Variants in EHBP1 observed in about 807,000 individuals in gnomAD.
The protein encoded by EHBP1 is EH domain-binding protein 1.
EHBP1 carries 55 observed loss-of-function variants against 144.0 expected under a neutral mutation model. The ratio of observed to expected loss-of-function variants is 0.38; its 90% CI spans 0.31 to 0.48. The LOEUF is 0.48. Among genes scored for constraint, EHBP1 ranks in the 20% least tolerant of loss-of-function variants. EHBP1 has a pLI of 0.98. For missense variants in EHBP1, 1,200 were observed against 1,364.2 expected (o/e 0.88, Z 1.90); for synonymous variants, 469 against 472.7 (o/e 0.99, Z 0.10).
At chr2:62,910,383 G>A (rs1033961169) in intron 10 of EHBP1, among the ~76,000 whole-genome samples, 1 of 152,066 alleles carries the variant, frequency 6.6e-6, no homozygotes, top group African/African-American at 2.4e-5. Context: ...AGCTTCTATG[G>A]AAATCTGGTT....
intron 1 of EHBP1, among the ~76,000 whole-genome samples, chr2:62,695,452 G>A (rs2034052938): frequency 6.6e-6 from 1 of 152,186 alleles, no homozygotes; most frequent in African/African-American, 2.4e-5. Flanking sequence ...GAAATAAAAC[G>A]TTTTGTGAAA....
chr2:63,039,465 T>G (rs2061574294), intron 21 of EHBP1, among the ~76,000 whole-genome samples: 1 of 152,186 alleles, frequency 6.6e-6, no homozygotes, highest in Admixed American at 6.5e-5. Context: ...GCTGTTCTCC[T>G]TATATCTCAG....
intron 10 of EHBP1, among the ~76,000 whole-genome samples, chr2:62,876,606 A>T (rs1256393038): frequency 6.6e-6 from 1 of 152,212 alleles, no homozygotes; most frequent in East Asian, 1.9e-4. Flanking sequence ...AATTTATTTT[A>T]AAAGGAGGTT....
At chr2:62,859,814 T>G (rs2049361559) in intron 8 of EHBP1, among the ~76,000 whole-genome samples, 1 of 152,128 alleles carries the variant, frequency 6.6e-6, no homozygotes, top group African/African-American at 2.4e-5. Context: ...TTTTCCTGAG[T>G]CACTTTTCTT....
At chr2:62,731,548 C>T (rs149736226) in intron 2 of EHBP1, among the ~76,000 whole-genome samples, 34 of 152,126 alleles carry the variant, frequency 2.2e-4, no homozygotes, top group African/African-American at 7.9e-4. Context: ...TTTTGGTAGA[C>T]GTTCTTTATC....
chr2:62,864,696 T>A, intron 8 of EHBP1, 35 bp from the exon 9 acceptor site: 3 of 1,568,156 alleles, frequency 1.9e-6, no homozygotes, highest in Non-Finnish European at 2.6e-6. Context: ...CATATGGTAT[T>A]CATGTGATTT....
chr2:62,839,605 C>G lies in EHBP1; in HGVS notation c.634+8447C>G, dbSNP rs528464588. On this transcript the variant is annotated intron_variant, in intron 7 of 22. Transcript: ENST00000431489. ...TATCTAGAAAACCCCATCGTCTCAG[C>G]CCAAAATCTCCTTAAGCTGATAAGC... Among the ~76,000 whole-genome samples the G allele has an allele frequency of 6.0e-5, 9 of 149,768 alleles. No individual in the cohort carries two copies. In the East Asian group the frequency reaches 1.8e-3, roughly 29 times the overall value.
At position 62,715,983 on chromosome 2, in the gene EHBP1, A is replaced by G. The variant is rs142306690; in HGVS notation, c.104+8688A>G. Reference sequence around the variant, plus strand: ...ACGTCAAAATTTCACATCTTGGAGTAAGAGAACATCTTGCTCTACACCCTA... The same window carrying G: ...ACGTCAAAATTTCACATCTTGGAGTGAGAGAACATCTTGCTCTACACCCTA... On this transcript the variant is annotated intron_variant, in intron 2 of 22. Coordinates refer to ENST00000431489, the MANE Select transcript of EHBP1 (RefSeq NM_001142616.3). Among the ~76,000 whole-genome samples the G allele has an allele frequency of 2.0e-3, 311 of 152,192 alleles. 2 individuals are homozygous for G. The highest frequency in any genetic ancestry group is 7.1e-3 in the African/African-American group (295 of 41,510).
At chr2:62,976,990 A>G (rs980240190) in intron 14 of EHBP1, among the ~76,000 whole-genome samples, 3 of 151,962 alleles carry the variant, frequency 2.0e-5, no homozygotes, top group African/African-American at 7.2e-5. Context: ...CTAATATATT[A>G]CAGTTTTCTC....
chr2:62,993,943 C>A lies in EHBP1; in HGVS notation c.2945C>A (p.Thr982Asn). ...GNEEKAAITETQRKPSEDEVL... is the reference protein window; with the variant it reads ...GNEEKAAITENQRKPSEDEVL... ...GAGGAGAAGGCAGCGATAACTGAAACTCAGAGGAAGCCATCAGAAGATGAA... is the reference window on the plus strand; with the variant it reads ...GAGGAGAAGGCAGCGATAACTGAAAATCAGAGGAAGCCATCAGAAGATGAA... Residue 982 changes from threonine (T) to asparagine (N), a missense_variant, in exon 18 of 23, where the codon ACT (threonine) becomes AAT (asparagine). By Grantham distance (65) the Thr-to-Asn change is moderately conservative. This residue lies in a region of EHBP1 where 543 missense variants were observed against 513.1 expected (regional missense o/e 1.06). Coordinates refer to ENST00000431489, the MANE Select transcript of EHBP1 (RefSeq NM_001142616.3). 6.3e-7 allele frequency: 1 copy of A among 1,584,718 alleles called. No homozygotes were observed. Among genetic ancestry groups the A allele is most frequent in the South Asian group, 1.2e-5 (1 of 86,522 alleles).
At chr2:63,029,231 C>T (rs1353159341) in intron 19 of EHBP1, among the ~76,000 whole-genome samples, 3 of 151,866 alleles carry the variant, frequency 2.0e-5, no homozygotes, top group African/African-American at 7.3e-5. Context: ...ACACTGCTGA[C>T]CCTGTAGGGC....
intron 19 of EHBP1, among the ~76,000 whole-genome samples, chr2:63,027,907 G>A (rs774256414): frequency 4.3e-4 from 65 of 152,078 alleles, no homozygotes; most frequent in Non-Finnish European, 8.2e-4. Flanking sequence ...GTACAACGTG[G>A]TGAGTATATG....
intron 15 of EHBP1, among the ~76,000 whole-genome samples, chr2:62,980,587 T>G (rs916777355): frequency 4.6e-5 from 7 of 152,134 alleles, no homozygotes; most frequent in African/African-American, 1.4e-4. Context: ...ATTCTAATGC[T>G]TATAACATCT....
intron 20 of EHBP1, among the ~76,000 whole-genome samples, chr2:63,038,134 G>C (rs950535275): frequency 1.3e-5 from 2 of 152,132 alleles, no homozygotes; most frequent in Non-Finnish European, 2.9e-5. Context: ...CAAAATGTAA[G>C]CATTCTTAGT....
intron 7 of EHBP1, among the ~76,000 whole-genome samples, chr2:62,843,126 A>G (rs2048037051): frequency 6.6e-6 from 1 of 152,120 alleles, no homozygotes; most frequent in Non-Finnish European, 1.5e-5. Context: ...ATTTTGTGTT[A>G]TTTACATTTT....
In EHBP1 at chr2:62,882,933, G is replaced by A. The variant is rs192780092; in HGVS notation, c.1185+8401G>A. ...AACTTAACAGTGCCTACTGTATGCC[G>A]GGCAATATTTTGTTACCTCACTTGA... On this transcript the variant is annotated intron_variant, in intron 10 of 22. Coordinates refer to ENST00000431489, the MANE Select transcript of EHBP1 (RefSeq NM_001142616.3). Among the ~76,000 whole-genome samples, 73 of 151,282 alleles carry A rather than the reference G, an allele frequency of 4.8e-4. 1 individual carries two copies. Among genetic ancestry groups the A allele is most frequent in the African/African-American group, 1.5e-3 (64 of 41,320 alleles).
At chr2:62,758,223 C>T (rs933279697) in intron 3 of EHBP1, among the ~76,000 whole-genome samples, 1 of 152,048 alleles carries the variant, frequency 6.6e-6, no homozygotes, top group Non-Finnish European at 1.5e-5. Flanking sequence ...ATTCTCATGC[C>T]TCAGCCTCCT....
Position 62,829,918 on chromosome 2 carries a change from A to G in EHBP1, c.495-1101A>G, listed in dbSNP as rs928581065. 2.0e-5 allele frequency among the ~76,000 whole-genome samples: 3 copies of G among 150,972 alleles called. No individual in the cohort carries two copies. The East Asian group carries it at 5.8e-4, about 29-fold the overall frequency. ...AATGTAAACTGGTACAACCACTATG[A>G]AAAACAGTATGGAGATTCCTTAAAG... On this transcript the variant is annotated intron_variant, in intron 6 of 22. Transcript: ENST00000431489.
chr2:62,911,323 G>A lies in EHBP1; in HGVS notation c.1186-31395G>A, dbSNP rs532138149. On this transcript the variant is annotated intron_variant, in intron 10 of 22. Coordinates refer to ENST00000431489, the MANE Select transcript of EHBP1 (RefSeq NM_001142616.3). ...TACATAAAGTACTTGGAAAAGTTCT[G>A]TAAGTGACAGATGCTACTGCTATTA... is the stretch of plus-strand genomic sequence containing the variant. Among the ~76,000 whole-genome samples, 131 of 152,300 alleles carry A rather than the reference G, an allele frequency of 8.6e-4. 2 individuals carry two copies. Among genetic ancestry groups the A allele is most frequent in the African/African-American group, 2.9e-3 (120 of 41,564 alleles).
Sources: gnomAD v4.1 joint callset for allele counts (sites outside exome capture counted in the v4.1 genomes callset) on GRCh38, gnomAD v4.1.1 for gene constraint, gnomAD v4.1.1 regional missense constraint, MANE v1.5 for transcripts, NCBI Gene and HGNC (gene_info 2026-07-23, HGNC 2026-07-21) for gene names.